Variants in TXNDC8 observed in about 807,000 individuals in gnomAD.
The protein encoded by TXNDC8 is thioredoxin domain-containing protein 8.
TXNDC8 carries 15 observed loss-of-function variants against 12.9 expected under a neutral mutation model. The ratio of observed to expected loss-of-function variants is 1.16; its 90% CI spans 0.78 to 1.79. TXNDC8 has a LOEUF of 1.79. Ranked by LOEUF, TXNDC8 falls within the 40% of genes most tolerant of loss-of-function variation. The pLI is 0.00. For missense variants in TXNDC8, 128 were observed against 113.2 expected (o/e 1.13, Z -0.59); for synonymous variants, 40 against 35.4 (o/e 1.13, Z -0.46).
intron 3 of TXNDC8, among the ~76,000 whole-genome samples, chr9:110,307,955 G>A (rs144172240): frequency 9.1e-4 from 138 of 152,286 alleles, no homozygotes; most frequent in African/African-American, 3.1e-3. Flanking sequence ...CTCAACCTTG[G>A]CAAAATAAAC....
intron 2 of TXNDC8, among the ~76,000 whole-genome samples, chr9:110,332,652 G>GA (rs1460319952): frequency 1.3e-5 from 2 of 151,840 alleles, no homozygotes; most frequent in African/African-American, 2.4e-5. Context: ...AAGGAAAAAT[G>GA]AGAAAAAGTG....
chr9:110,302,649 T>C (rs531624506), downstream of TXNDC8, among the ~76,000 whole-genome samples: 10 of 152,084 alleles, frequency 6.6e-5, no homozygotes, highest in African/African-American at 2.2e-4. Context: ...TTTTTTTTTT[T>C]CAATAGGCAG....
At chr9:110,311,678 T>TTGTATA (rs1564096257) in intron 3 of TXNDC8, among the ~76,000 whole-genome samples, 1 of 115,854 alleles carries the variant, frequency 8.6e-6, no homozygotes, top group African/African-American at 3.6e-5. Flanking sequence ...TAGTATATCC[T>TTGTATA]TATATATATA....
At chr9:110,305,765 TTTCTTTTCTTTTC>T (rs1408076027) in intron 3 of TXNDC8, among the ~76,000 whole-genome samples, 3 of 80,262 alleles carry the variant, frequency 3.7e-5, no homozygotes, top group African/African-American at 4.9e-5. Flanking sequence ...TTCCCTTCCC[TTTCTTTTCTTTTC>T]TTTTCTTTTC....
At chr9:110,302,337 T>C (rs1344722146), downstream of TXNDC8, among the ~76,000 whole-genome samples, 1 of 152,188 alleles carries the variant, frequency 6.6e-6, no homozygotes, top group Non-Finnish European at 1.5e-5. Flanking sequence ...GGTTTCACCA[T>C]GTTGCCCAGG....
chr9:110,309,611 C>T (rs1057387209), intron 3 of TXNDC8, among the ~76,000 whole-genome samples: 2 of 152,202 alleles, frequency 1.3e-5, no homozygotes, highest in African/African-American at 4.8e-5. Flanking sequence ...GCTGGGATTA[C>T]AGGCGTGAGC....
intron 3 of TXNDC8, among the ~76,000 whole-genome samples, chr9:110,325,442 C>T (rs1218711141): frequency 6.7e-6 from 1 of 148,754 alleles, no homozygotes; most frequent in African/African-American, 2.5e-5. Flanking sequence ...GCGTGCTCAA[C>T]CACTAGGCAA....
intron 2 of TXNDC8, among the ~76,000 whole-genome samples, chr9:110,327,221 C>T (rs1839357635): frequency 6.6e-6 from 1 of 152,104 alleles, no homozygotes; most frequent in Admixed American, 6.6e-5. Context: ...GAAAGTTAAA[C>T]ACAGAGTTAC....
At chr9:110,322,184 GTTT>G (rs58184864) in intron 3 of TXNDC8, among the ~76,000 whole-genome samples, 10 of 149,534 alleles carry the variant, frequency 6.7e-5, no homozygotes, top group Admixed American at 5.3e-4. Flanking sequence ...ATGGTCTCAA[GTTT>G]TTTTTTTTTT....
chr9:110,303,045 C>T (rs1838300489), downstream of TXNDC8, among the ~76,000 whole-genome samples: 1 of 150,600 alleles, frequency 6.6e-6, no homozygotes, highest in South Asian at 2.1e-4. Flanking sequence ...GGCTGGGCAA[C>T]AGAGCAAGAC....
chr9:110,304,565 T>C (rs1428115526), intron 3 of TXNDC8, 33 bp from the exon 5 acceptor site: 1 of 1,581,466 alleles, frequency 6.3e-7, no homozygotes, highest in Non-Finnish European at 8.6e-7. Context: ...ATAATTTATC[T>C]GAGTTGCCTG....
At chr9:110,304,617 G>A in intron 3 of TXNDC8, 85 bp from the exon 5 acceptor site, 2 of 1,285,592 alleles carry the variant, frequency 1.6e-6, no homozygotes, top group Non-Finnish European at 2.2e-6. Context: ...TTTGGCCTTG[G>A]CCAGGGAAGG....
At chr9:110,302,120 G>A (rs1387253223), downstream of TXNDC8, among the ~76,000 whole-genome samples, 2 of 151,984 alleles carry the variant, frequency 1.3e-5, no homozygotes, top group African/African-American at 4.8e-5. Context: ...CTCCCAAGCA[G>A]CTGGGACTAC....
Position 110,334,229 on chromosome 9 carries a change from A to G in TXNDC8, c.116T>C (p.Phe39Ser). 9 of 1,612,128 alleles carry G rather than the reference A, an allele frequency of 5.6e-6. No individual in the cohort carries two copies. The highest frequency in any genetic ancestry group is 6.8e-6 in the Non-Finnish European group (8 of 1,178,316). ...GGTTGTACTCACATGGAAAACAGGA[A>G]ACATCCTTTTGCAGGGACCACACCG... Residue 39 changes from phenylalanine to serine, a missense_variant, in exon 2 of 5, where the codon TTT becomes TCT. Transcript: ENST00000423740.
intron 3 of TXNDC8, among the ~76,000 whole-genome samples, chr9:110,318,188 A>G (rs1282555289): frequency 6.6e-6 from 1 of 152,184 alleles, no homozygotes; most frequent in Non-Finnish European, 1.5e-5. Flanking sequence ...GTTCATTGCT[A>G]GAGAGAGAGC....
At chr9:110,336,545 C>G (rs1391965139) in intron 1 of TXNDC8, among the ~76,000 whole-genome samples, 1 of 152,166 alleles carries the variant, frequency 6.6e-6, no homozygotes, top group Non-Finnish European at 1.5e-5. Flanking sequence ...GGAATACTCT[C>G]ATAGTATAGG....
Position 110,303,611 on chromosome 9 carries a change from AT to A in TXNDC8, c.*70del. On this transcript the variant is annotated 3_prime_UTR_variant, in exon 5 of 5. Coordinates refer to ENST00000423740, the MANE Select transcript of TXNDC8 (RefSeq NM_001286946.2). ...GTTCACAAATGCACAAAGGTGAAAC[AT>A]TTATTGATTCAAGTGCTGCGAAAAT... The A allele has an allele frequency of 6.4e-7, 1 of 1,568,736 alleles. No homozygotes were observed. The highest frequency in any genetic ancestry group is 8.7e-7 in the Non-Finnish European group (1 of 1,153,364).
At chr9:110,325,555 C>T (rs1262080837) in intron 3 of TXNDC8, among the ~76,000 whole-genome samples, 6 of 143,538 alleles carry the variant, frequency 4.2e-5, no homozygotes, top group Non-Finnish European at 6.0e-5. Context: ...CTCACTCTGT[C>T]GCCCAGGCTG....
chr9:110,333,790 T>C (rs1288823452), intron 2 of TXNDC8, among the ~76,000 whole-genome samples: 2 of 152,170 alleles, frequency 1.3e-5, no homozygotes, highest in Non-Finnish European at 2.9e-5. Flanking sequence ...AACAAAGACA[T>C]ATGGTTTGTT....
Sources: allele counts gnomAD v4.1 joint callset (sites outside exome capture counted in the v4.1 genomes callset), GRCh38; gene constraint gnomAD v4.1.1; transcripts MANE v1.5; gene names NCBI Gene and HGNC (gene_info 2026-07-23, HGNC 2026-07-21).